LIN28B: variants seen among roughly 807,000 people sequenced by gnomAD.
LIN28B encodes protein lin-28 homolog B.
In LIN28B, 5 loss-of-function variants were observed where a neutral mutation model predicts 21.9. The observed-to-expected ratio is 0.23, with a 90% CI of 0.12 to 0.48. The LOEUF (loss-of-function observed/expected upper bound fraction) is 0.48. LIN28B is among the 20% of genes least tolerant of loss of function. The pLI, the probability that LIN28B is intolerant of heterozygous loss-of-function variation, is 0.98. For missense variants in LIN28B, 245 were observed against 310.5 expected (o/e 0.79, Z 1.58); for synonymous variants, 109 against 111.3 (o/e 0.98, Z 0.13).
intron 3 of LIN28B, chr6:105,058,161 G>A (rs1379476988): frequency 6.7e-6 from 2 of 300,486 alleles, no homozygotes; most frequent in Non-Finnish European, 1.3e-5. Context: ...TGTACCAACT[G>A]GGAACCATTT....
chr6:105,048,213 T>G (rs1182938392), intron 3 of LIN28B, among the ~76,000 whole-genome samples: 2 of 152,192 alleles, frequency 1.3e-5, no homozygotes, highest in African/African-American at 2.4e-5. Context: ...AATTTATTGA[T>G]AGTTTTTAGC....
rs75966859 is a variant in LIN28B at position 105,042,638 on chromosome 6, T to G, written c.383+16156T>G. 9.3e-3 allele frequency among the ~76,000 whole-genome samples: 1,378 copies of G among 148,284 alleles called. 20 individuals are homozygous for G. The highest frequency in any genetic ancestry group is 0.033 in the African/African-American group (1,321 of 40,312). ...CAGATGTGACTGTCTTCTTTCACTG[T>G]TTTTTTTTTCTATTTAGTTTCAAAA... On this transcript the variant is annotated intron_variant, in intron 3 of 3. Coordinates refer to ENST00000345080, the MANE Select transcript of LIN28B (RefSeq NM_001004317.4).
intron 3 of LIN28B, among the ~76,000 whole-genome samples, chr6:105,031,776 C>G (rs767573943): frequency 6.6e-6 from 1 of 152,070 alleles, no homozygotes; most frequent in African/African-American, 2.4e-5. Context: ...ACCTCGTGAT[C>G]CGCCCGCCTT....
At chr6:105,048,898 C>A (rs1446049460) in intron 3 of LIN28B, among the ~76,000 whole-genome samples, 1 of 151,920 alleles carries the variant, frequency 6.6e-6, no homozygotes, top group African/African-American at 2.4e-5. Flanking sequence ...CTATTTGATT[C>A]TTCTCTCTTT....
intron 3 of LIN28B, among the ~76,000 whole-genome samples, chr6:105,032,612 C>A (rs990007072): frequency 6.6e-6 from 1 of 151,896 alleles, no homozygotes; most frequent in Non-Finnish European, 1.5e-5. Flanking sequence ...GTTGTCCCAG[C>A]TACTTGTACT....
At chr6:104,984,327 T>C (rs1349596735) in intron 2 of LIN28B, among the ~76,000 whole-genome samples, 1 of 152,270 alleles carries the variant, frequency 6.6e-6, no homozygotes, top group East Asian at 1.9e-4. Context: ...ATAATAAACA[T>C]ACAGTAGTCA....
intron 2 of LIN28B, among the ~76,000 whole-genome samples, chr6:104,993,820 A>C (rs926749717): frequency 7.6e-5 from 11 of 145,236 alleles, no homozygotes; most frequent in Admixed American, 4.2e-4. Context: ...TGGATGACAG[A>C]GCGAGATTGT....
intron 2 of LIN28B, among the ~76,000 whole-genome samples, chr6:104,979,671 T>G (rs77008399): frequency 0.018 from 2,786 of 152,284 alleles, 87 homozygotes; most frequent in African/African-American, 0.064. Context: ...AAATTAACTT[T>G]CAATTTTCTT....
intron 2 of LIN28B, among the ~76,000 whole-genome samples, chr6:104,983,607 G>A (rs544529828): frequency 6.6e-6 from 1 of 152,034 alleles, no homozygotes; most frequent in African/African-American, 2.4e-5. Context: ...ACGGAGTTTC[G>A]CTCTTATTGC....
intron 3 of LIN28B, among the ~76,000 whole-genome samples, chr6:105,065,243 A>C (rs1298255133): frequency 1.3e-5 from 2 of 152,220 alleles, no homozygotes; most frequent in African/African-American, 4.8e-5. Context: ...AGATTATGAC[A>C]TGAAGGGCAC....
intron 3 of LIN28B, among the ~76,000 whole-genome samples, chr6:105,057,668 GTAT>G (rs1772046905): frequency 6.6e-6 from 1 of 151,968 alleles, no homozygotes; most frequent in South Asian, 2.1e-4. Flanking sequence ...ATATTTTATT[GTAT>G]TATTGTGTAG....
chr6:105,006,303 C>CTGTTT (rs200814200), intron 2 of LIN28B, among the ~76,000 whole-genome samples: 1,722 of 151,910 alleles, frequency 0.011, 46 homozygotes, highest in Admixed American at 0.063. Context: ...TGGTTCTGTT[C>CTGTTT]TGTTTTGTTT....
At chr6:104,987,886 G>A (rs1183088609) in intron 2 of LIN28B, among the ~76,000 whole-genome samples, 1 of 152,008 alleles carries the variant, frequency 6.6e-6, no homozygotes, top group Non-Finnish European at 1.5e-5. Flanking sequence ...TGGGATTACA[G>A]GTGCCCACCA....
intron 3 of LIN28B, among the ~76,000 whole-genome samples, chr6:105,040,019 T>G (rs1396297472): frequency 6.6e-6 from 1 of 152,206 alleles, no homozygotes; most frequent in African/African-American, 2.4e-5. Context: ...CTATTGTTTT[T>G]CAGTAAATAA....
At position 105,078,791 on chromosome 6, in the gene LIN28B, TC is replaced by T; in HGVS notation, c.*9del. ...AAAAGGAAAAAGACATAACAGGTCT[TC>T]TTCATATGTTCTTTCCTTTACCCGG... On this transcript the variant is annotated 3_prime_UTR_variant, in exon 4 of 4. Transcript: ENST00000345080. 1 of 1,608,692 alleles carries T rather than the reference TC, an allele frequency of 6.2e-7. No individual in the cohort carries two copies. Among genetic ancestry groups the T allele is most frequent in the South Asian group, 1.1e-5 (1 of 90,674 alleles).
chr6:105,071,270 T>C (rs565680854), intron 3 of LIN28B, among the ~76,000 whole-genome samples: 1 of 152,340 alleles, frequency 6.6e-6, no homozygotes, highest in Non-Finnish European at 1.5e-5. Context: ...ATTTATGTAT[T>C]ATGCCGTGGT....
chr6:104,991,617 C>A (rs538023162), intron 2 of LIN28B, among the ~76,000 whole-genome samples: 1 of 151,806 alleles, frequency 6.6e-6, no homozygotes, highest in African/African-American at 2.4e-5. Flanking sequence ...GGGTGGTGGC[C>A]GGGCAGAGGC....
chr6:105,055,135 A>G (rs1771997368), intron 3 of LIN28B, among the ~76,000 whole-genome samples: 1 of 151,822 alleles, frequency 6.6e-6, no homozygotes, highest in South Asian at 2.1e-4. Context: ...TGGGGGATTT[A>G]TTTGTATTTA....
intron 2 of LIN28B, chr6:104,950,439 G>A: frequency 8.3e-7 from 1 of 1,209,828 alleles, no homozygotes; most frequent in Non-Finnish European, 1.0e-6. Context: ...ATGTAGTACT[G>A]ACTTGAGCTC....
Sources: allele counts gnomAD v4.1 joint callset (sites outside exome capture counted in the v4.1 genomes callset), GRCh38; gene constraint gnomAD v4.1.1; transcripts MANE v1.5; gene names NCBI Gene and HGNC (gene_info 2026-07-23, HGNC 2026-07-21).